CEP162: variants seen among roughly 807,000 people sequenced by gnomAD.
The protein encoded by CEP162 is centrosomal protein of 162 kDa.
CEP162 carries 141 observed loss-of-function variants against 169.2 expected under a neutral mutation model. That is an observed-to-expected ratio of 0.83 (90% CI 0.73 to 0.96). CEP162 has a LOEUF of 0.96. Ranked by LOEUF, CEP162 falls within the 40% of genes least tolerant of loss-of-function variation. The pLI is 0.00. For missense variants in CEP162, 1,600 were observed against 1,587.2 expected, an observed-to-expected ratio of 1.01 and a Z score of -0.14; for synonymous variants, 540 against 526.4, an observed-to-expected ratio of 1.03 and a Z score of -0.35.
At chr6:84,145,170 C>A (rs2099518284) in intron 25 of CEP162, among the ~76,000 whole-genome samples, 1 of 152,118 alleles carries the variant, frequency 6.6e-6, no homozygotes, top group African/African-American at 2.4e-5. Flanking sequence ...TAAGAAATGT[C>A]ACTTCCTGGC....
chr6:84,196,468 C>T (rs995350753), intron 9 of CEP162, among the ~76,000 whole-genome samples: 3 of 152,128 alleles, frequency 2.0e-5, no homozygotes, highest in African/African-American at 7.2e-5. Context: ...TTTCCACCAA[C>T]TGACAAATTC....
intron 5 of CEP162, among the ~76,000 whole-genome samples, chr6:84,214,123 CA>C (rs1422885028): frequency 1.3e-5 from 2 of 152,036 alleles, no homozygotes; most frequent in South Asian, 4.1e-4. Context: ...CTAAAAAATA[CA>C]AAAAATTAGC....
intron 16 of CEP162, among the ~76,000 whole-genome samples, chr6:84,173,786 C>T (rs763064180): frequency 3.3e-5 from 5 of 150,780 alleles, no homozygotes; most frequent in South Asian, 2.1e-4. Flanking sequence ...TAGGTTCAAG[C>T]GATTCTCTTG....
intron 9 of CEP162, among the ~76,000 whole-genome samples, chr6:84,196,251 T>A (rs1385460663): frequency 6.6e-6 from 1 of 152,164 alleles, no homozygotes; most frequent in East Asian, 1.9e-4. Context: ...CTGATGGTTT[T>A]AAAAACAAGA....
At chr6:84,137,028 A>G (rs1281269208) in intron 25 of CEP162, among the ~76,000 whole-genome samples, 1 of 152,204 alleles carries the variant, frequency 6.6e-6, no homozygotes, top group Non-Finnish European at 1.5e-5. Context: ...GCCACCGTGC[A>G]AGGATTAGTA....
intron 26 of CEP162, 59 bp from the exon 27 acceptor site, chr6:84,125,335 T>G: frequency 6.8e-7 from 1 of 1,469,420 alleles, no homozygotes; most frequent in Non-Finnish European, 9.4e-7. Context: ...TGAGGAACAT[T>G]TAACAATCTT....
In CEP162 at chr6:84,158,230, A is replaced by G. The variant is rs141098264; in HGVS notation, c.2781+2582T>C. On this transcript the variant is annotated intron_variant, in intron 21 of 26. Transcript: ENST00000403245. ...GCAGTCTAGTGTCAGTTAAGAGCAT[A>G]TTTGGGTTAGACTGTGCCACCAGCT... is the stretch of plus-strand genomic sequence containing the variant. Among the ~76,000 whole-genome samples, 956 of 152,312 alleles carry G rather than the reference A, an allele frequency of 6.3e-3. 4 individuals are homozygous for G. Among genetic ancestry groups the G allele is most frequent in the African/African-American group, 0.022 (920 of 41,572 alleles).
In CEP162 at chr6:84,125,265, T is replaced by C. The variant is rs2099508461; in HGVS notation, c.4017A>G (p.Gln1339=). 7 of 1,613,256 alleles carry C rather than the reference T, an allele frequency of 4.3e-6. No homozygotes were observed. The highest frequency in any genetic ancestry group is 3.3e-5 in the South Asian group (3 of 91,048). The change falls in exon 27 of 27, where the codon CAA becomes CAG. Residue 1339 remains glutamine, a synonymous_variant. Coordinates refer to ENST00000403245, the MANE Select transcript of CEP162 (RefSeq NM_014895.4). The stretch of plus-strand genomic sequence containing the variant: ...GCTCAGTTTCTACTACTTGGTGTGT[T>C]TGCTGTATTATCTGCAAATACAAAA... ...REQELQQIIQ[Q]THQVVETEQN...
intron 25 of CEP162, among the ~76,000 whole-genome samples, chr6:84,134,686 A>C (rs2099513133): frequency 6.6e-6 from 1 of 152,040 alleles, no homozygotes; most frequent in Non-Finnish European, 1.5e-5. Flanking sequence ...CCACTGTCTA[A>C]CCAGTTCCAA....
intron 25 of CEP162, among the ~76,000 whole-genome samples, chr6:84,127,447 C>T (rs2099509386): frequency 6.6e-6 from 1 of 152,050 alleles, no homozygotes. Context: ...CATCATTGAA[C>T]AAAGAACTAT....
chr6:84,225,480 T>C (rs1251015554), intron 2 of CEP162, among the ~76,000 whole-genome samples: 1 of 152,218 alleles, frequency 6.6e-6, no homozygotes, highest in Admixed American at 6.5e-5. Context: ...TTGTTGTATA[T>C]GTGGTCTGTT....
chr6:84,207,712 A>AT (rs1014833055), intron 6 of CEP162, among the ~76,000 whole-genome samples: 2 of 129,214 alleles, frequency 1.5e-5, no homozygotes, highest in African/African-American at 1.0e-4. Flanking sequence ...AACTTAAAGT[A>AT]TAAAAAAAAA....
At chr6:84,137,528 T>C (rs2099514688) in intron 25 of CEP162, among the ~76,000 whole-genome samples, 2 of 152,034 alleles carry the variant, frequency 1.3e-5, no homozygotes, top group South Asian at 2.1e-4. Context: ...TTATAAAATA[T>C]GCAGATTAAA....
rs59065122 is a variant in CEP162 at position 84,193,717 on chromosome 6, C to T, written c.1028-27G>A. 942 of 1,423,424 alleles carry T rather than the reference C, an allele frequency of 6.6e-4. 6 individuals are homozygous for T. In the African/African-American group the frequency reaches 0.011, roughly 17 times the overall value. The allele number at this position is 1,423,424 out of a possible 1,614,324, so 88.2% of individuals were successfully genotyped here. A position where few individuals can be genotyped will look rare whatever the true frequency, so the allele number is the denominator to read the frequency against. ...TAAGAGGTGGAAAAAAAAGTAGAAA[C>T]GAAAAATGTTATGTAGGTTGCTTAA... is the stretch of plus-strand genomic sequence containing the variant. On this transcript the variant is annotated intron_variant, in intron 10 of 26. Coordinates refer to ENST00000403245, the MANE Select transcript of CEP162 (RefSeq NM_014895.4).
At position 84,193,718 on chromosome 6, in the gene CEP162, G is replaced by A. The variant is rs1433130847; in HGVS notation, c.1028-28C>T. On this transcript the variant is annotated intron_variant, in intron 10 of 26. Transcript: ENST00000403245. ...AAGAGGTGGAAAAAAAAGTAGAAAC[G>A]AAAAATGTTATGTAGGTTGCTTAAT... 13 of 1,416,234 alleles carry A rather than the reference G, an allele frequency of 9.2e-6. No individual in the cohort carries two copies. In the South Asian group the frequency reaches 1.3e-4, roughly 14 times the overall value. 87.7% of individuals were successfully genotyped at this position (1,416,234 alleles called of 1,614,324 possible). A position where few individuals can be genotyped will look rare whatever the true frequency, so the allele number is the denominator to read the frequency against.
chr6:84,160,753 G>T, intron 21 of CEP162, 59 bp downstream of exon 21: 5 of 1,111,404 alleles, frequency 4.5e-6, no homozygotes, highest in Non-Finnish European at 6.8e-6. Context: ...AAACAAAAGA[G>T]AAAACCAAAA....
chr6:84,200,899 A>C lies in CEP162; in HGVS notation c.725T>G (p.Leu242Arg). The C allele has an allele frequency of 6.3e-7, 1 of 1,582,176 alleles. No individual in the cohort carries two copies. The highest frequency in any genetic ancestry group is 8.7e-7 in the Non-Finnish European group (1 of 1,152,590). ...TGCAACAGAGTCTAATGAATCAAGC[A>C]GCACAACTGGAAGAATATAAAAGAA... ...EKTGMLANVV[L>R]LDSLDSVAEV... Residue 242 changes from leucine (L) to arginine (R), a missense_variant, in exon 9 of 27, where the codon CTG (leucine) becomes CGG (arginine). Leu to Arg is a moderately radical substitution (Grantham distance 102). Transcript: ENST00000403245.
rs367798761 is a variant in CEP162, at chr6:84,163,219, G to T, written c.2437C>A (p.Gln813Lys). ...TTTTCGAAGTCTACTTCAAGAGCTT[G>T]TTTGTCTTGTTTCAGTCTTTTGATG... ...EDIKRLKQDK[Q>K]ALEVDFEKMK... The change falls in exon 19 of 27, where the codon CAA becomes AAA. Residue 813 changes from glutamine to lysine, a missense_variant. By Grantham distance (53) the Gln-to-Lys change is moderately conservative. Coordinates refer to ENST00000403245, the MANE Select transcript of CEP162 (RefSeq NM_014895.4). 1.9e-6 allele frequency: 3 copies of T among 1,610,722 alleles called. No individual in the cohort carries two copies. The highest frequency in any genetic ancestry group is 2.7e-5 in the African/African-American group (2 of 74,792).
At chr6:84,188,147 G>T (rs1280510704) in intron 11 of CEP162, among the ~76,000 whole-genome samples, 14 of 149,510 alleles carry the variant, frequency 9.4e-5, no homozygotes, top group Non-Finnish European at 2.1e-4. Flanking sequence ...TTTAAGTATT[G>T]TTTCCCCAAA....
Sources: allele counts gnomAD v4.1 joint callset (sites outside exome capture counted in the v4.1 genomes callset), GRCh38; gene constraint gnomAD v4.1.1; transcripts MANE v1.5; gene names NCBI Gene and HGNC (gene_info 2026-07-23, HGNC 2026-07-21).